The following SLC26A8 variants were observed in gnomAD, a reference collection of about 807,000 sequenced individuals.
SLC26A8 encodes solute carrier family 26 member 8, also known as testis anion transporter 1.
In SLC26A8, 70 loss-of-function variants were observed where a neutral mutation model predicts 105.0. The observed-to-expected ratio is 0.67, with a 90% CI of 0.55 to 0.81. SLC26A8 has a LOEUF of 0.81. SLC26A8 is among the 40% of genes least tolerant of loss of function. SLC26A8 has a pLI of 0.00. For synonymous variants in SLC26A8, 415 were observed against 438.3 expected, an observed-to-expected ratio of 0.95 and a Z score of 0.66; for missense variants, 998 against 1,181.8, an observed-to-expected ratio of 0.84 and a Z score of 2.28.
intron 16 of SLC26A8, among the ~76,000 whole-genome samples, chr6:35,956,136 G>A (rs1772049819): frequency 6.6e-6 from 1 of 152,122 alleles, no homozygotes. Flanking sequence ...GTGTCAGTGA[G>A]CCTGTAGCCC....
rs1179764192 is a variant in SLC26A8 at position 35,955,188 on chromosome 6, G to A, written c.2196C>T (p.His732=). 1 of 1,614,164 alleles carries A rather than the reference G, an allele frequency of 6.2e-7. No homozygotes were observed. The highest frequency in any genetic ancestry group is 8.5e-7 in the Non-Finnish European group (1 of 1,180,036). ...CGACTAACCCCCGTGAATCCACGTA[G>A]TGTACCATGGAGAAATCCAGGATGA... ...HTIILDFSMV[H]YVDSRGLVVL... Residue 732 remains histidine, a synonymous_variant, in exon 17 of 20, where the codon CAC becomes CAT. Coordinates refer to ENST00000490799, the MANE Select transcript of SLC26A8 (RefSeq NM_052961.4).
intron 8 of SLC26A8, among the ~76,000 whole-genome samples, chr6:35,979,307 C>T (rs900012667): frequency 6.6e-6 from 1 of 151,924 alleles, no homozygotes; most frequent in Non-Finnish European, 1.5e-5. Context: ...GAAACCCCAT[C>T]GCTACTAAAA....
Position 35,977,252 on chromosome 6 carries a change from C to T in SLC26A8, c.1125G>A (p.Leu375=). Residue 375 remains leucine, a synonymous_variant, in exon 9 of 20, where the codon CTG becomes CTA. Coordinates refer to ENST00000490799, the MANE Select transcript of SLC26A8 (RefSeq NM_052961.4). ...TGTGAAGACTGGCAATCTTCTTGCC[C>T]AGAAATATGAGCAGAAAGGAGCTCA... ...SLVSSFLLIF[L]GKKIASLHNY... The T allele has an allele frequency of 6.2e-7, 1 of 1,613,878 alleles. No homozygotes were observed.
At chr6:35,977,442 C>CTT (rs77593688) in intron 8 of SLC26A8, 91 bp from the exon 9 acceptor site, 2,348 of 895,942 alleles carry the variant, frequency 2.6e-3, no homozygotes, top group South Asian at 3.2e-3. Context: ...TGTCCTGATT[C>CTT]TTTTTTTTTT....
chr6:36,014,247 A>G (rs981975792), intron 2 of SLC26A8, among the ~76,000 whole-genome samples: 3 of 152,224 alleles, frequency 2.0e-5, no homozygotes, highest in Admixed American at 1.3e-4. Flanking sequence ...AAGACCAGCC[A>G]GCCACCCAAG....
At chr6:35,966,181 C>T (rs1451632902) in intron 11 of SLC26A8, among the ~76,000 whole-genome samples, 1 of 152,104 alleles carries the variant, frequency 6.6e-6, no homozygotes, top group Non-Finnish European at 1.5e-5. Context: ...CCCAGTGACC[C>T]GTTAGACACA....
chr6:36,008,661 A>G lies in SLC26A8; in HGVS notation c.328+3572T>C, dbSNP rs1287643276. On this transcript the variant is annotated intron_variant, in intron 3 of 19. Transcript: ENST00000490799. ...AAATAACTAGTATCCAGAATCTACA[A>G]AGAATTCTCAGATCTCAACAGTAAA... is the stretch of plus-strand genomic sequence containing the variant. Among the ~76,000 whole-genome samples the G allele has an allele frequency of 2.6e-5, 4 of 152,328 alleles. No homozygotes were observed. In the East Asian group the frequency reaches 7.7e-4, roughly 29 times the overall value.
intron 19 of SLC26A8, among the ~76,000 whole-genome samples, chr6:35,950,672 C>A (rs932920283): frequency 6.6e-6 from 1 of 152,116 alleles, no homozygotes; most frequent in Non-Finnish European, 1.5e-5. Flanking sequence ...TCTCATACCA[C>A]AACAATGTAA....
Position 36,019,573 on chromosome 6 carries a change from A to G in SLC26A8, c.135T>C (p.Ser45=). 6.2e-7 allele frequency: 1 copy of G among 1,614,168 alleles called. No individual in the cohort carries two copies. Among genetic ancestry groups the G allele is most frequent in the Non-Finnish European group, 8.5e-7 (1 of 1,180,032 alleles). ...FQQEHKRKAS[S]SGNMNINITT... is the part of the protein sequence containing the mutation. ...TGATGTTGATGTTCATGTTCCCAGA[A>G]GAGGAGGCCTTCCTTTTGTGTTCCT... The change falls in exon 2 of 20, where the codon TCT becomes TCC. Residue 45 remains serine (S), a synonymous_variant. Transcript: ENST00000490799.
At chr6:36,002,087 C>T (rs376926118) in intron 3 of SLC26A8, among the ~76,000 whole-genome samples, 260 of 152,176 alleles carry the variant, frequency 1.7e-3, no homozygotes, top group Non-Finnish European at 2.5e-3. Flanking sequence ...ATTTTTTCAC[C>T]ACATTTTTTC....
intron 2 of SLC26A8, 113 bp downstream of exon 2, chr6:36,019,407 C>T: frequency 8.7e-7 from 1 of 1,155,644 alleles, no homozygotes; most frequent in Non-Finnish European, 1.2e-6. Context: ...CAATAAACTG[C>T]ATGATTCTGA....
intron 2 of SLC26A8, among the ~76,000 whole-genome samples, chr6:36,018,066 C>T (rs1256598812): frequency 1.3e-5 from 2 of 152,166 alleles, no homozygotes; most frequent in Non-Finnish European, 2.9e-5. Flanking sequence ...AAAAATTGTA[C>T]ATTGCCAGTG....
intron 8 of SLC26A8, among the ~76,000 whole-genome samples, chr6:35,980,965 T>C (rs1164510605): frequency 1.3e-5 from 2 of 151,902 alleles, no homozygotes; most frequent in African/African-American, 4.8e-5. Flanking sequence ...TGAGCTGAGA[T>C]GGCGCATTGC....
At chr6:35,990,344 G>A (rs76894068) in intron 7 of SLC26A8, 2 of 285,756 alleles carry the variant, frequency 7.0e-6, no homozygotes, top group Admixed American at 4.6e-5. Context: ...TATTGAACAA[G>A]ATGTTCAAAT....
intron 19 of SLC26A8, among the ~76,000 whole-genome samples, chr6:35,947,962 T>C (rs1403864033): frequency 2.0e-5 from 3 of 152,018 alleles, no homozygotes; most frequent in Non-Finnish European, 4.4e-5. Flanking sequence ...ATATAAAGTA[T>C]CTAAGATTTT....
chr6:35,951,410 C>T, intron 18 of SLC26A8, 35 bp downstream of exon 18: 2 of 1,614,012 alleles, frequency 1.2e-6, no homozygotes, highest in Non-Finnish European at 8.5e-7. Flanking sequence ...ACCCAGGGTG[C>T]AAAACAGCCC....
chr6:35,999,918 G>A, intron 4 of SLC26A8, 74 bp downstream of exon 4: 4 of 984,614 alleles, frequency 4.1e-6, no homozygotes, highest in South Asian at 2.8e-5. Context: ...CTTTATGTTG[G>A]GTACCTTAGC....
At chr6:35,952,458 A>C (rs897543776) in intron 17 of SLC26A8, among the ~76,000 whole-genome samples, 5 of 152,192 alleles carry the variant, frequency 3.3e-5, no homozygotes, top group African/African-American at 1.2e-4. Flanking sequence ...TAAATCTTGA[A>C]GTTCACTTCA....
chr6:35,972,024 G>A (rs1041137042), intron 10 of SLC26A8, among the ~76,000 whole-genome samples: 7 of 152,212 alleles, frequency 4.6e-5, no homozygotes, highest in Non-Finnish European at 7.3e-5. Context: ...CTCAGGCTGA[G>A]GCTGTGGCCA....
Sources: allele counts gnomAD v4.1 joint callset (sites outside exome capture counted in the v4.1 genomes callset), GRCh38; gene constraint gnomAD v4.1.1; transcripts MANE v1.5; gene names NCBI Gene and HGNC (gene_info 2026-07-23, HGNC 2026-07-21).